SNX29: variants seen among roughly 807,000 people sequenced by gnomAD.
SNX29 encodes the protein sorting nexin 29.
In SNX29, 78 loss-of-function variants were observed where a neutral mutation model predicts 102.1. That is an observed-to-expected ratio of 0.76 (90% CI 0.64 to 0.92). SNX29 has a LOEUF of 0.92. Among genes scored for constraint, SNX29 ranks in the 40% least tolerant of loss-of-function variants. SNX29 has a pLI of 0.00. For missense variants in SNX29, 1,280 were observed against 1,061.7 expected, an observed-to-expected ratio of 1.21 and a Z score of -2.86; for synonymous variants, 580 against 414.5, an observed-to-expected ratio of 1.40 and a Z score of -4.85.
At chr16:12,536,254 A>T (rs985296704) in intron 20 of SNX29, among the ~76,000 whole-genome samples, 1 of 152,016 alleles carries the variant, frequency 6.6e-6, no homozygotes, top group Non-Finnish European at 1.5e-5. Context: ...TATGCATGAG[A>T]ACTTGCTGTG....
chr16:12,250,830 C>CCTGTTCCGCATCCAGT (rs368042553), intron 14 of SNX29, among the ~76,000 whole-genome samples: 9,142 of 152,190 alleles, frequency 0.06, 793 homozygotes, highest in African/African-American at 0.19. Context: ...TCTAGAAGAG[C>CCTGTTCCGCATCCAGT]GACTGGGCTG....
At chr16:12,258,500 G>T (rs763923887) in intron 14 of SNX29, among the ~76,000 whole-genome samples, 2 of 152,116 alleles carry the variant, frequency 1.3e-5, no homozygotes, top group Non-Finnish European at 2.9e-5. Context: ...TGTATGTTTT[G>T]CATAGAAATT....
intron 9 of SNX29, among the ~76,000 whole-genome samples, chr16:12,064,051 G>A (rs2050906703): frequency 6.6e-6 from 1 of 152,090 alleles, no homozygotes; most frequent in Admixed American, 6.6e-5. Flanking sequence ...TCTGTCTCAT[G>A]AATCAATTTC....
intron 20 of SNX29, among the ~76,000 whole-genome samples, chr16:12,551,940 C>T (rs760251084): frequency 2.0e-5 from 3 of 152,182 alleles, no homozygotes; most frequent in Admixed American, 6.5e-5. Flanking sequence ...TGTGAGGATC[C>T]AGTGAGATTC....
At chr16:12,010,506 G>C (rs182447999) in intron 3 of SNX29, among the ~76,000 whole-genome samples, 9 of 152,086 alleles carry the variant, frequency 5.9e-5, no homozygotes, top group Admixed American at 2.6e-4. Context: ...CAGGCCTGTG[G>C]TCTCAGCTAC....
intron 15 of SNX29, among the ~76,000 whole-genome samples, chr16:12,342,452 G>A (rs906091203): frequency 1.1e-4 from 16 of 152,296 alleles, no homozygotes; most frequent in African/African-American, 3.8e-4. Context: ...AGCCAGTGAA[G>A]TGTGGTCCCA....
chr16:12,421,514 T>C (rs1242557002), intron 18 of SNX29, among the ~76,000 whole-genome samples: 1 of 152,154 alleles, frequency 6.6e-6, no homozygotes, highest in Admixed American at 6.5e-5. Context: ...ACATATAGGG[T>C]GTTCAAGGAA....
At chr16:12,353,272 A>G (rs200783505) in intron 15 of SNX29, among the ~76,000 whole-genome samples, 1 of 152,100 alleles carries the variant, frequency 6.6e-6, no homozygotes, top group African/African-American at 2.4e-5. Context: ...TTGGTGTGGC[A>G]CATCATGGCC....
At chr16:12,030,934 C>A (rs2151131598) in intron 4 of SNX29, among the ~76,000 whole-genome samples, 1 of 152,322 alleles carries the variant, frequency 6.6e-6, no homozygotes, top group Non-Finnish European at 1.5e-5. Context: ...TCCTGCCACG[C>A]CCCTGCCTTG....
intron 13 of SNX29, among the ~76,000 whole-genome samples, chr16:12,149,798 C>T (rs560713678): frequency 6.6e-6 from 1 of 152,314 alleles, no homozygotes; most frequent in South Asian, 2.1e-4. Context: ...AGTTCTATAT[C>T]ATCCTATGAT....
chr16:12,322,636 T>A (rs2080976256), intron 15 of SNX29, among the ~76,000 whole-genome samples: 1 of 152,148 alleles, frequency 6.6e-6, no homozygotes, highest in Non-Finnish European at 1.5e-5. Flanking sequence ...AAGCATCCTG[T>A]GCTGGAGACC....
chr16:12,523,758 G>C (rs2090189564), intron 19 of SNX29, among the ~76,000 whole-genome samples: 1 of 152,210 alleles, frequency 6.6e-6, no homozygotes, highest in Non-Finnish European at 1.5e-5. Flanking sequence ...CTGGATCACA[G>C]AGCCCCTGAT....
At chr16:12,449,008 A>G (rs1037562774) in intron 18 of SNX29, among the ~76,000 whole-genome samples, 3 of 152,064 alleles carry the variant, frequency 2.0e-5, no homozygotes, top group African/African-American at 7.2e-5. Context: ...GAGGAAGAAG[A>G]CTCAGTTTAG....
rs116054379 is a variant in SNX29, at chr16:12,455,897, A to G, written c.2038-21822A>G. Among the ~76,000 whole-genome samples, 1,372 of 151,730 alleles carry G rather than the reference A, an allele frequency of 9.0e-3. 26 individuals are homozygous for G. Among genetic ancestry groups the G allele is most frequent in the African/African-American group, 0.032 (1,304 of 41,340 alleles). ...CTTCCATTTATCCATCCATCTACCT[A>G]CCCACCCATCTAGCACCCGTTGGGC... is the stretch of plus-strand genomic sequence containing the variant. On this transcript the variant is annotated intron_variant, in intron 18 of 20. Transcript: ENST00000566228.
chr16:11,976,843 C>G (rs991581015), intron 1 of SNX29, 30 bp downstream of exon 1: 20 of 1,343,516 alleles, frequency 1.5e-5, no homozygotes, highest in Non-Finnish European at 1.7e-5. Context: ...CTGTCACCTG[C>G]CCCGGCCGCC....
At chr16:12,120,233 G>A (rs1165876146) in intron 11 of SNX29, among the ~76,000 whole-genome samples, 3 of 152,214 alleles carry the variant, frequency 2.0e-5, no homozygotes, top group African/African-American at 7.2e-5. Context: ...TGTAGGTTAA[G>A]TCCATCCCTG....
At chr16:12,544,503 T>C (rs1394979054) in intron 20 of SNX29, among the ~76,000 whole-genome samples, 4 of 152,214 alleles carry the variant, frequency 2.6e-5, no homozygotes, top group Admixed American at 6.5e-5. Context: ...GGGGTCTAGA[T>C]GGCATTTTTC....
At chr16:12,442,328 T>G (rs143837776) in intron 18 of SNX29, among the ~76,000 whole-genome samples, 21 of 152,334 alleles carry the variant, frequency 1.4e-4, no homozygotes, top group Admixed American at 1.3e-3. Flanking sequence ...TCTGGCTTAT[T>G]AGGACGTCTT....
intron 13 of SNX29, among the ~76,000 whole-genome samples, chr16:12,171,275 C>G (rs941585448): frequency 6.6e-6 from 1 of 151,998 alleles, no homozygotes; most frequent in Admixed American, 6.6e-5. Context: ...GAACCCAGGT[C>G]TGGGGTCTGC....
Sources: gnomAD v4.1 joint callset for allele counts (sites outside exome capture counted in the v4.1 genomes callset) on GRCh38, gnomAD v4.1.1 for gene constraint, MANE v1.5 for transcripts, NCBI Gene and HGNC (gene_info 2026-07-23, HGNC 2026-07-21) for gene names.